Variants in RNF152 observed in about 807,000 individuals in gnomAD.
RNF152 encodes the protein ring finger protein 152.
RNF152 carries 11 observed loss-of-function variants against 12.7 expected under a neutral mutation model. The observed-to-expected ratio is 0.86, with a 90% CI of 0.54 to 1.43. The LOEUF is 1.43. Ranked by LOEUF, RNF152 falls within the 40% of genes most tolerant of loss-of-function variation. RNF152 has a pLI of 0.00. For synonymous variants in RNF152, 113 were observed against 120.3 expected, an observed-to-expected ratio of 0.94 and a Z score of 0.40; for missense variants, 255 against 274.8, an observed-to-expected ratio of 0.93 and a Z score of 0.51.
At chr18:61,864,662 A>T (rs1911647749) in intron 1 of RNF152, among the ~76,000 whole-genome samples, 1 of 152,114 alleles carries the variant, frequency 6.6e-6, no homozygotes, top group Non-Finnish European at 1.5e-5. Context: ...CTCTAATCAC[A>T]GAGTTGGTTC....
intron 1 of RNF152, among the ~76,000 whole-genome samples, chr18:61,823,860 T>C (rs1396559696): frequency 2.0e-5 from 3 of 152,212 alleles, no homozygotes; most frequent in African/African-American, 7.2e-5. Context: ...GCAGCCTAGG[T>C]GCTGTCCCTG....
chr18:61,861,617 G>A (rs1422496569), intron 1 of RNF152, among the ~76,000 whole-genome samples: 2 of 152,202 alleles, frequency 1.3e-5, no homozygotes, highest in Non-Finnish European at 2.9e-5. Flanking sequence ...GAATACATGA[G>A]GTTGGGTAAT....
intron 1 of RNF152, among the ~76,000 whole-genome samples, chr18:61,835,357 G>T (rs144041391): frequency 6.6e-6 from 1 of 152,298 alleles, no homozygotes; most frequent in Non-Finnish European, 1.5e-5. Context: ...TTTATGAATG[G>T]CTTTGGAATA....
intron 1 of RNF152, among the ~76,000 whole-genome samples, chr18:61,858,060 C>T (rs1283732469): frequency 6.6e-6 from 1 of 152,186 alleles, no homozygotes; most frequent in Non-Finnish European, 1.5e-5. Context: ...AGACAATTGT[C>T]TGTCCTTCTG....
intron 1 of RNF152, among the ~76,000 whole-genome samples, chr18:61,822,477 G>A (rs1254115855): frequency 2.6e-5 from 4 of 152,140 alleles, no homozygotes; most frequent in Non-Finnish European, 4.4e-5. Flanking sequence ...TTTTGAAAAG[G>A]TACAGGTGTG....
chr18:61,812,788 C>A lies in RNF152; in HGVS notation c.*3064G>T, dbSNP rs1908867605. The A allele has an allele frequency of 6.6e-6, 1 of 152,164 alleles. No individual in the cohort carries two copies. Among genetic ancestry groups the A allele is most frequent in the Non-Finnish European group, 1.5e-5 (1 of 68,018 alleles). The allele number at this position is 152,164 out of a possible 1,614,324, so 9.4% of individuals were successfully genotyped here. On this transcript the variant is annotated 3_prime_UTR_variant, in exon 2 of 2. Coordinates refer to ENST00000312828, the MANE Select transcript of RNF152 (RefSeq NM_173557.3). ...GTTGTCTTTCAACATCTATACTCATCCCTAAGTCAACCCTCCTTTCATTTT... is the reference window on the plus strand; with the variant it reads ...GTTGTCTTTCAACATCTATACTCATACCTAAGTCAACCCTCCTTTCATTTT...
rs368000636 is a variant in RNF152, at chr18:61,816,102, A to G, written c.362T>C (p.Leu121Pro). ...ALLPGDMGCR[L>P]LPGSQQKSVT... ...GGACTTCTGCTGGCTCCCGGGCAGC[A>G]GGCGGCAGCCCATGTCTCCGGGCAG... Residue 121 changes from leucine to proline, a missense_variant, in exon 2 of 2, where the codon CTG becomes CCG. Transcript: ENST00000312828. The G allele has an allele frequency of 1.9e-6, 3 of 1,614,164 alleles. No homozygotes were observed.
intron 1 of RNF152, among the ~76,000 whole-genome samples, chr18:61,866,788 A>C (rs1474734351): frequency 6.6e-6 from 1 of 152,098 alleles, no homozygotes; most frequent in South Asian, 2.1e-4. Flanking sequence ...GCTTTCCCCT[A>C]CTTGCCCGCT....
intron 1 of RNF152, among the ~76,000 whole-genome samples, chr18:61,831,003 C>T (rs1448940779): frequency 1.3e-5 from 2 of 152,184 alleles, no homozygotes; most frequent in African/African-American, 4.8e-5. Context: ...AGTTATATTT[C>T]ACCAAGTCTA....
intron 1 of RNF152, among the ~76,000 whole-genome samples, chr18:61,885,883 C>T (rs1443552076): frequency 1.3e-5 from 2 of 151,912 alleles, no homozygotes; most frequent in Non-Finnish European, 2.9e-5. Context: ...TCAATGCCTG[C>T]TCCGTTAGAT....
intron 1 of RNF152, among the ~76,000 whole-genome samples, chr18:61,843,602 A>G (rs1357511232): frequency 6.6e-6 from 1 of 152,206 alleles, no homozygotes; most frequent in East Asian, 1.9e-4. Context: ...ATGGCCATAC[A>G]ATGGAATATT....
intron 1 of RNF152, among the ~76,000 whole-genome samples, chr18:61,884,710 C>T (rs1396059176): frequency 6.6e-6 from 1 of 152,144 alleles, no homozygotes; most frequent in African/African-American, 2.4e-5. Flanking sequence ...CAGGTGCCCA[C>T]CACCATGCCT....
intron 1 of RNF152, among the ~76,000 whole-genome samples, chr18:61,854,533 T>C (rs1421026313): frequency 6.6e-6 from 1 of 152,220 alleles, no homozygotes; most frequent in Non-Finnish European, 1.5e-5. Context: ...TCTTCCCCTC[T>C]TCCTCTTTCT....
At chr18:61,880,609 C>T (rs746010298) in intron 1 of RNF152, among the ~76,000 whole-genome samples, 1 of 152,196 alleles carries the variant, frequency 6.6e-6, no homozygotes, top group East Asian at 1.9e-4. Flanking sequence ...TTATCTCCCC[C>T]ACTCTCCCAA....
In RNF152 at chr18:61,816,666, T is replaced by G; in HGVS notation, c.-135-68A>C. On this transcript the variant is annotated intron_variant, in intron 1 of 1. Transcript: ENST00000312828. ...GAAGTTGAGATGTCAACATATCTAA[T>G]GGATTTATACCATTGCTCAAAAGTC... 1.0e-5 allele frequency: 6 copies of G among 595,862 alleles called. 1 individual carries two copies. The South Asian group carries it at 1.5e-4, about 15-fold the overall frequency. The allele number at this position is 595,862 out of a possible 1,614,324, so 36.9% of individuals were successfully genotyped here.
At position 61,867,794 on chromosome 18, in the gene RNF152, A is replaced by G. The variant is rs78629764; in HGVS notation, c.-136+25001T>C. ...AAAAATAACAACTGAATTCACAGTAATCATTTAAAATGTAAAATACTGCTC... is the reference window on the plus strand; with the variant it reads ...AAAAATAACAACTGAATTCACAGTAGTCATTTAAAATGTAAAATACTGCTC... On this transcript the variant is annotated intron_variant, in intron 1 of 1. Coordinates refer to ENST00000312828, the MANE Select transcript of RNF152 (RefSeq NM_173557.3). Among the ~76,000 whole-genome samples the G allele has an allele frequency of 5.8e-3, 891 of 152,322 alleles. 39 individuals are homozygous for G. The East Asian group carries it at 0.1, about 18-fold the overall frequency.
intron 1 of RNF152, among the ~76,000 whole-genome samples, chr18:61,891,145 G>C (rs1480402253): frequency 6.6e-6 from 1 of 152,114 alleles, no homozygotes; most frequent in Admixed American, 6.5e-5. Context: ...ATGAATAAAT[G>C]AGCATTGTAG....
In RNF152 at chr18:61,811,694, G is replaced by A. The variant is rs865928612; in HGVS notation, c.*4158C>T. On this transcript the variant is annotated 3_prime_UTR_variant, in exon 2 of 2. Transcript: ENST00000312828. ...ATTTGCACCTTACTAATACAGCAAT[G>A]AAGTTTGGATAGGATACTGGAAGTG... The A allele has an allele frequency of 5.3e-5, 8 of 152,150 alleles. No homozygotes were observed. The highest frequency in any genetic ancestry group is 1.2e-4 in the Non-Finnish European group (8 of 68,028). 9.4% of individuals were successfully genotyped at this position (152,150 alleles called of 1,614,324 possible).
rs559754582 is a variant in RNF152, at chr18:61,811,128, A to T, written c.*4724T>A. ...CATTGATGAGTTCTAGAAAAAAAAA[A>T]TCAACCCATTTCTGCTAAAATGAAG... is the stretch of plus-strand genomic sequence containing the variant. On this transcript the variant is annotated 3_prime_UTR_variant, in exon 2 of 2. Transcript: ENST00000312828. The T allele has an allele frequency of 5.6e-4, 86 of 152,322 alleles. No homozygotes were observed. Among genetic ancestry groups the T allele is most frequent in the Middle Eastern group, 6.8e-3 (2 of 294 alleles). The allele number at this position is 152,322 out of a possible 1,614,324, so 9.4% of individuals were successfully genotyped here.
Sources: gnomAD v4.1 joint callset for allele counts (sites outside exome capture counted in the v4.1 genomes callset) on GRCh38, gnomAD v4.1.1 for gene constraint, MANE v1.5 for transcripts, NCBI Gene and HGNC (gene_info 2026-07-23, HGNC 2026-07-21) for gene names.